The following AKT2 variants were observed in gnomAD, a reference collection of about 807,000 sequenced individuals.
AKT2 encodes AKT serine/threonine kinase 2.
In AKT2, 16 loss-of-function variants were observed where a neutral mutation model predicts 58.6. The ratio of observed to expected loss-of-function variants is 0.27; its 90% CI spans 0.18 to 0.41. AKT2 has a LOEUF of 0.41. AKT2 is among the 10% of genes least tolerant of loss of function. AKT2 has a pLI of 1.00. For missense variants in AKT2, 438 were observed against 661.0 expected, an observed-to-expected ratio of 0.66 and a Z score of 3.70; for synonymous variants, 253 against 254.0, an observed-to-expected ratio of 1.00 and a Z score of 0.04.
rs1444485064 is a variant in AKT2, at chr19:40,242,865, C to T, written c.288-178G>A. On this transcript the variant is annotated intron_variant, in intron 4 of 13. Transcript: ENST00000392038. The surrounding 1 kb of genome is among the most constrained non-coding windows in gnomAD (Gnocchi z 4.3). ...AGCTGAAGGGACCTGAGTGAAATTCCACGCCAGGCGCAGTGGCTCATGCCT... is the reference window on the plus strand; with the variant it reads ...AGCTGAAGGGACCTGAGTGAAATTCTACGCCAGGCGCAGTGGCTCATGCCT... 20 of 689,954 alleles carry T rather than the reference C, an allele frequency of 2.9e-5. No homozygotes were observed. Among genetic ancestry groups the T allele is most frequent in the Non-Finnish European group, 5.0e-5 (20 of 402,586 alleles). 42.7% of individuals were successfully genotyped at this position (689,954 alleles called of 1,614,324 possible). A position where few individuals can be genotyped will look rare whatever the true frequency, so the allele number is the denominator to read the frequency against.
chr19:40,261,169 T>C (rs1975918642), intron 2 of AKT2, among the ~76,000 whole-genome samples: 1 of 152,054 alleles, frequency 6.6e-6, no homozygotes, highest in Non-Finnish European at 1.5e-5. Flanking sequence ...TCATGGGAGG[T>C]ATTTGGGTGA....
rs1035613642 is a variant in AKT2, at chr19:40,233,398, C to A, written c.*474G>T. ...GACAGCGGGTGGGGGATTGGACCGC[C>A]CCGTGCCTGGCCACTCCGAGCCTAG... On this transcript the variant is annotated 3_prime_UTR_variant, in exon 14 of 14. Coordinates refer to ENST00000392038, the MANE Select transcript of AKT2 (RefSeq NM_001626.6). This position sits in a 1 kb window ranked among gnomAD's most constrained non-coding sequence, Gnocchi z 4.3. 2.2e-6 allele frequency: 1 copy of A among 456,844 alleles called. No homozygotes were observed. Among genetic ancestry groups the A allele is most frequent in the Non-Finnish European group, 4.1e-6 (1 of 241,344 alleles). The allele number at this position is 456,844 out of a possible 1,614,324, so 28.3% of individuals were successfully genotyped here. A position where few individuals can be genotyped will look rare whatever the true frequency, so the allele number is the denominator to read the frequency against.
At chr19:40,266,041 A>T (rs1976326732) in intron 1 of AKT2, 1 of 152,836 alleles carries the variant, frequency 6.5e-6, no homozygotes, top group Non-Finnish European at 1.5e-5. Context: ...CCTAGAAGCC[A>T]GTCCTGGGGG....
intron 2 of AKT2, among the ~76,000 whole-genome samples, chr19:40,264,170 A>T (rs1243909932): frequency 6.6e-6 from 1 of 152,126 alleles, no homozygotes; most frequent in Non-Finnish European, 1.5e-5. Context: ...AATGAATGCA[A>T]GTGCACACAG....
intron 1 of AKT2, among the ~76,000 whole-genome samples, chr19:40,270,341 T>C (rs1233792026): frequency 6.6e-6 from 1 of 152,168 alleles, no homozygotes; most frequent in Non-Finnish European, 1.5e-5. Context: ...CAGAGCTTTG[T>C]AGGGTGTTGG....
chr19:40,262,364 G>A (rs1568557239), intron 2 of AKT2, among the ~76,000 whole-genome samples: 2 of 152,116 alleles, frequency 1.3e-5, no homozygotes, highest in South Asian at 2.1e-4. Context: ...AACCTTCCCA[G>A]CTGTTACCTG....
chr19:40,266,948 T>C (rs780754938), intron 1 of AKT2, among the ~76,000 whole-genome samples: 46 of 152,310 alleles, frequency 3.0e-4, no homozygotes, highest in Non-Finnish European at 3.1e-4. Flanking sequence ...GGTGACAGAA[T>C]GAGACCCTGT....
intron 1 of AKT2, among the ~76,000 whole-genome samples, chr19:40,271,855 T>C (rs900340806): frequency 3.9e-5 from 6 of 152,182 alleles, no homozygotes; most frequent in African/African-American, 1.4e-4. Flanking sequence ...CAATCAAACA[T>C]GTCTTCAGTC....
chr19:40,275,554 T>C, intron 1 of AKT2: 1 of 351,800 alleles, frequency 2.8e-6, no homozygotes, highest in Non-Finnish European at 5.7e-6. Flanking sequence ...AGCGAGTAGG[T>C]GCAGGAGAGG....
intron 1 of AKT2, chr19:40,279,637 C>A (rs1444548624): frequency 1.1e-4 from 17 of 148,046 alleles, no homozygotes; most frequent in African/African-American, 3.5e-4. Flanking sequence ...TAGGAAGATA[C>A]CCTGGAACAC....
chr19:40,256,011 C>T (rs959296460), intron 3 of AKT2, among the ~76,000 whole-genome samples: 11 of 152,252 alleles, frequency 7.2e-5, no homozygotes, highest in Admixed American at 2.0e-4. Context: ...CCAGGCCTCT[C>T]GGCCTGCTGT....
chr19:40,282,546 G>A (rs535632606), intron 1 of AKT2: 8 of 532,394 alleles, frequency 1.5e-5, no homozygotes, highest in Non-Finnish European at 2.7e-5. Flanking sequence ...GAGGCTCAGG[G>A]GTAAGAGGAA....
chr19:40,247,686 C>T (rs1974843115), intron 4 of AKT2, among the ~76,000 whole-genome samples: 1 of 152,168 alleles, frequency 6.6e-6, no homozygotes. Context: ...CAACAGCAGT[C>T]CCAAGAACAC....
intron 6 of AKT2, 89 bp from the exon 7 acceptor site, chr19:40,240,199 G>A: frequency 1.5e-6 from 2 of 1,309,286 alleles, no homozygotes; most frequent in Non-Finnish European, 2.2e-6. Flanking sequence ...CTTGTGAAAT[G>A]CAATTCCATT....
rs558405802 is a variant in AKT2, at chr19:40,250,371, C to T, written c.287+4787G>A. 9.9e-5 allele frequency among the ~76,000 whole-genome samples: 15 copies of T among 152,000 alleles called. No homozygotes were observed. In the South Asian group the frequency reaches 1.2e-3, roughly 13 times the overall value. On this transcript the variant is annotated intron_variant, in intron 4 of 13. Coordinates refer to ENST00000392038, the MANE Select transcript of AKT2 (RefSeq NM_001626.6). ...ATACAAAATGAGCTAGGCATGGTGG[C>T]GCGTGCCTGTAATCCCAGCTACTCA... is the stretch of plus-strand genomic sequence containing the variant.
chr19:40,284,744 A>T, intron 1 of AKT2: 1 of 154,116 alleles, frequency 6.5e-6, no homozygotes, highest in Non-Finnish European at 1.4e-5. Context: ...TTGGGGAAGC[A>T]TCCTCCCCAG....
intron 4 of AKT2, among the ~76,000 whole-genome samples, chr19:40,246,089 A>C (rs63116160): frequency 4.9e-5 from 5 of 102,280 alleles, no homozygotes; most frequent in Non-Finnish European, 9.9e-5. Flanking sequence ...CCTGTTTTTC[A>C]AAAAAAAAAA....
rs564031685 is a variant in AKT2, at chr19:40,232,509, G to A, written c.*1363C>T. 2.0e-4 allele frequency: 44 copies of A among 223,008 alleles called. No homozygotes were observed. Among genetic ancestry groups the A allele is most frequent in the Non-Finnish European group, 3.4e-4 (38 of 112,154 alleles). The allele number at this position is 223,008 out of a possible 1,614,324, so 13.8% of individuals were successfully genotyped here. On this transcript the variant is annotated 3_prime_UTR_variant, in exon 14 of 14. Coordinates refer to ENST00000392038, the MANE Select transcript of AKT2 (RefSeq NM_001626.6). ...CCATGAACTGTGTAGTACAGGAGATGGGATAGGGAGAGCAAACCCACAAAA... is the reference window on the plus strand; with the variant it reads ...CCATGAACTGTGTAGTACAGGAGATAGGATAGGGAGAGCAAACCCACAAAA...
chr19:40,240,804 T>A (rs1171414309), intron 6 of AKT2: 1 of 173,526 alleles, frequency 5.8e-6, no homozygotes, highest in Non-Finnish European at 1.2e-5. Flanking sequence ...TTTTTTTTTT[T>A]AGCTGGGGGT....
Sources: allele counts gnomAD v4.1 joint callset (sites outside exome capture counted in the v4.1 genomes callset), GRCh38; gene constraint gnomAD v4.1.1; non-coding constraint Gnocchi (gnomAD v3.1); transcripts MANE v1.5; gene names NCBI Gene and HGNC (gene_info 2026-07-23, HGNC 2026-07-21).